Variants in PCDH15 observed in about 807,000 individuals in gnomAD.
PCDH15 encodes the protein protocadherin related 15, also known as protocadherin-15.
A neutral mutation model predicts 178.5 loss-of-function variants in PCDH15; 129 were observed. The observed-to-expected ratio is 0.72, with a 90% CI of 0.63 to 0.84. The LOEUF is 0.84. PCDH15 is among the 40% of genes least tolerant of loss of function. PCDH15 has a pLI of 0.00. For missense variants in PCDH15, 2,230 were observed against 2,099.9 expected (o/e 1.06, Z -1.21); for synonymous variants, 800 against 732.0 (o/e 1.09, Z -1.50).
rs557448370 is a variant in PCDH15 at position 53,856,382 on chromosome 10, A to G, written c.3806+793T>C. Among the ~76,000 whole-genome samples, 162 of 152,146 alleles carry G rather than the reference A, an allele frequency of 1.1e-3. 1 individual carries two copies. The highest frequency in any genetic ancestry group is 3.8e-3 in the African/African-American group (159 of 41,544). ...AATCACAACTAGATTGGAGTTAACT[A>G]TAACATACTCAGCCATGGTGAGTCT... On this transcript the variant is annotated intron_variant, in intron 28 of 37. Coordinates refer to ENST00000644397, the MANE Select transcript of PCDH15 (RefSeq NM_001384140.1).
Position 54,277,873 on chromosome 10 carries a change from T to A in PCDH15, c.876+39398A>T, listed in dbSNP as rs568551450. Reference sequence around the variant, plus strand: ...GTATAGAGGAAGCCAATATAATACATCAAGGTTTATGGTTTGAAAAATGGA... The same window carrying A: ...GTATAGAGGAAGCCAATATAATACAACAAGGTTTATGGTTTGAAAAATGGA... On this transcript the variant is annotated intron_variant, in intron 8 of 37. Coordinates refer to ENST00000644397, the MANE Select transcript of PCDH15 (RefSeq NM_001384140.1). Among the ~76,000 whole-genome samples the A allele has an allele frequency of 3.1e-4, 43 of 139,812 alleles. No homozygotes were observed. In the Middle Eastern group the frequency reaches 0.015, roughly 49 times the overall value. The allele number at this position is 139,812 out of a possible 152,430, so 91.7% of individuals were successfully genotyped here.
chr10:55,582,624 A>ATTTTTTTTTT (rs1477154346), intron 2 of PCDH15, among the ~76,000 whole-genome samples: 4 of 62,266 alleles, frequency 6.4e-5, no homozygotes, highest in African/African-American at 1.3e-4. Flanking sequence ...ATATATATAT[A>ATTTTTTTTTT]TATATTTTTT....
chr10:55,134,865 G>A (rs1838146239), intron 2 of PCDH15, among the ~76,000 whole-genome samples: 1 of 152,112 alleles, frequency 6.6e-6, no homozygotes, highest in Admixed American at 6.6e-5. Context: ...CCACAGATAG[G>A]ATTTCTCCAG....
intron 15 of PCDH15, among the ~76,000 whole-genome samples, chr10:54,102,087 C>G (rs2094823560): frequency 6.6e-6 from 1 of 152,194 alleles, no homozygotes; most frequent in South Asian, 2.1e-4. Flanking sequence ...ATAAAACCTA[C>G]TAAATCTCAC....
rs148560964 is a variant in PCDH15, at chr10:53,859,776, G to A, written c.3718-2513C>T. Among the ~76,000 whole-genome samples the A allele has an allele frequency of 1.0e-3, 152 of 152,062 alleles. 1 individual carries two copies. Among genetic ancestry groups the A allele is most frequent in the African/African-American group, 3.5e-3 (147 of 41,484 alleles). ...TGTCAGGCTGTATATACCAGAAATCGGTCACACTTTACAAATATGATATAT... is the reference window on the plus strand; with the variant it reads ...TGTCAGGCTGTATATACCAGAAATCAGTCACACTTTACAAATATGATATAT... On this transcript the variant is annotated intron_variant, in intron 27 of 37. Coordinates refer to ENST00000644397, the MANE Select transcript of PCDH15 (RefSeq NM_001384140.1).
intron 1 of PCDH15, among the ~76,000 whole-genome samples, chr10:55,238,633 T>C (rs1009310246): frequency 1.3e-5 from 2 of 152,210 alleles, no homozygotes; most frequent in African/African-American, 4.8e-5. Context: ...AAAGTGACAC[T>C]TCTAAATTAC....
intron 2 of PCDH15, among the ~76,000 whole-genome samples, chr10:54,658,151 C>G (rs556449994): frequency 1.0e-3 from 153 of 151,740 alleles, no homozygotes; most frequent in African/African-American, 2.0e-3. Flanking sequence ...GGAAAGCAAC[C>G]AAACCTATAC....
Position 54,133,017 on chromosome 10 carries a change from A to G in PCDH15, c.1785-10T>C, listed in dbSNP as rs760677789. 6.2e-7 allele frequency: 1 copy of G among 1,613,978 alleles called. No homozygotes were observed. Among genetic ancestry groups the G allele is most frequent in the South Asian group, 1.1e-5 (1 of 91,078 alleles). On this transcript the variant is annotated splice_polypyrimidine_tract_variant and intron_variant, in intron 14 of 37. Coordinates refer to ENST00000644397, the MANE Select transcript of PCDH15 (RefSeq NM_001384140.1). ...AGTGCAGATGGAGTTCCTGCAGAGA[A>G]AGAGAGGAAAAGAAGATGGTTACGA...
intron 2 of PCDH15, among the ~76,000 whole-genome samples, chr10:55,623,727 C>G (rs1486557316): frequency 1.3e-5 from 2 of 149,960 alleles, no homozygotes; most frequent in Admixed American, 6.7e-5. Context: ...GCTACTAGAT[C>G]CTCTTGGGGG....
intron 2 of PCDH15, among the ~76,000 whole-genome samples, chr10:55,485,339 G>A (rs1840273183): frequency 6.6e-6 from 1 of 151,616 alleles, no homozygotes; most frequent in Non-Finnish European, 1.5e-5. Flanking sequence ...ATATCCCACT[G>A]CTTAAGGTCA....
chr10:54,431,907 G>A (rs1386344487), intron 3 of PCDH15, among the ~76,000 whole-genome samples: 2 of 152,106 alleles, frequency 1.3e-5, no homozygotes, highest in South Asian at 2.1e-4. Flanking sequence ...ATTCAGGAAA[G>A]TTGCAGGATA....
chr10:55,238,799 G>A (rs1242507267), intron 1 of PCDH15, among the ~76,000 whole-genome samples: 1 of 151,924 alleles, frequency 6.6e-6, no homozygotes, highest in Non-Finnish European at 1.5e-5. Context: ...AGGTGTACAA[G>A]GTGTAATGAC....
At chr10:55,277,189 A>AT (rs1401887763) in intron 1 of PCDH15, among the ~76,000 whole-genome samples, 24 of 152,126 alleles carry the variant, frequency 1.6e-4, no homozygotes, top group Middle Eastern at 3.4e-3. Context: ...TTACAGTTTG[A>AT]TTAATATATA....
At chr10:55,084,462 TA>T (rs71461276) in intron 2 of PCDH15, among the ~76,000 whole-genome samples, 6 of 145,614 alleles carry the variant, frequency 4.1e-5, no homozygotes, top group East Asian at 2.1e-4. Flanking sequence ...CCTCAAGCTG[TA>T]AAAAAAAAAC....
chr10:54,598,777 T>C (rs1268015966), intron 2 of PCDH15, among the ~76,000 whole-genome samples: 1 of 152,062 alleles, frequency 6.6e-6, no homozygotes, highest in East Asian at 1.9e-4. Flanking sequence ...CAGCAAAGTA[T>C]CAAGGTATAA....
intron 26 of PCDH15, among the ~76,000 whole-genome samples, chr10:53,882,030 C>T (rs374565792): frequency 6.7e-6 from 1 of 149,922 alleles, no homozygotes; most frequent in Non-Finnish European, 1.5e-5. Context: ...GTTTCTGTTG[C>T]CCAGGCTAGA....
chr10:53,966,901 T>C (rs952095761), intron 21 of PCDH15, among the ~76,000 whole-genome samples: 2 of 151,710 alleles, frequency 1.3e-5, no homozygotes, highest in African/African-American at 2.4e-5. Flanking sequence ...ATCATTCATA[T>C]ATATATGTAT....
chr10:54,146,886 G>C (rs1050600729), intron 14 of PCDH15, among the ~76,000 whole-genome samples: 1 of 87,054 alleles, frequency 1.1e-5, no homozygotes, highest in African/African-American at 5.1e-5. Context: ...TATATATAGT[G>C]TGTGTATACA....
chr10:54,796,525 T>C (rs1952033085), intron 1 of PCDH15, among the ~76,000 whole-genome samples: 1 of 151,796 alleles, frequency 6.6e-6, no homozygotes, highest in Admixed American at 6.6e-5. Flanking sequence ...TGACCCTGTG[T>C]TTTCCCGGCC....
Sources: gnomAD v4.1 joint callset for allele counts (sites outside exome capture counted in the v4.1 genomes callset) on GRCh38, gnomAD v4.1.1 for gene constraint, MANE v1.5 for transcripts, NCBI Gene and HGNC (gene_info 2026-07-23, HGNC 2026-07-21) for gene names.